Variants in TENM2 observed in about 807,000 individuals in gnomAD.
The protein encoded by TENM2 is teneurin-2.
A neutral mutation model predicts 245.2 loss-of-function variants in TENM2; 52 were observed. The ratio of observed to expected loss-of-function variants is 0.21; its 90% confidence interval spans 0.17 to 0.27. The LOEUF (loss-of-function observed/expected upper bound fraction) is 0.27, where lower values mean the gene tolerates loss of function less well. Ranked by LOEUF, TENM2 falls within the 10% of genes least tolerant of loss-of-function variation. TENM2 has a pLI of 1.00. For synonymous variants in TENM2, 1,363 were observed against 1,438.9 expected (o/e 0.95, Z 1.19); for missense variants, 3,046 against 3,666.8 (o/e 0.83, Z 4.37).
At chr5:167,388,303 G>A (rs367732926) in intron 2 of TENM2, among the ~76,000 whole-genome samples, 12 of 152,106 alleles carry the variant, frequency 7.9e-5, no homozygotes, top group African/African-American at 2.6e-4. Context: ...TATGCATAGC[G>A]TTCATAGTAG....
At chr5:167,125,891 A>C in the TENM2 span, among the ~76,000 whole-genome samples, 1 of 152,218 alleles carries the variant, frequency 6.6e-6, no homozygotes, top group African/African-American at 2.4e-5. Context: ...CAGGTCACAC[A>C]GCTGGTTAGT....
intron 2 of TENM2, among the ~76,000 whole-genome samples, chr5:167,501,953 T>G (rs556218965): frequency 1.1e-4 from 16 of 152,272 alleles, no homozygotes; most frequent in Non-Finnish European, 2.4e-4. Flanking sequence ...GAAACTATTT[T>G]TCTAAATTTA....
At chr5:167,036,493 A>C in the TENM2 span, among the ~76,000 whole-genome samples, 2 of 152,368 alleles carry the variant, frequency 1.3e-5, no homozygotes, top group African/African-American at 4.8e-5. Context: ...TACAACAATT[A>C]TCACATTAAA....
chr5:167,919,857 C>T (rs1196966574), intron 3 of TENM2, among the ~76,000 whole-genome samples: 1 of 152,204 alleles, frequency 6.6e-6, no homozygotes, highest in East Asian at 1.9e-4. Context: ...TTATGACTAT[C>T]ACGACATCCA....
intron 6 of TENM2, among the ~76,000 whole-genome samples, chr5:168,057,526 G>C (rs184438142): frequency 6.6e-5 from 10 of 152,238 alleles, no homozygotes; most frequent in African/African-American, 2.4e-4. Flanking sequence ...TAACAAGGAT[G>C]GAAATTCAAC....
In TENM2 at chr5:167,735,846, C is replaced by A. The variant is rs1424639840; in HGVS notation, c.503-140140C>A. Among the ~76,000 whole-genome samples the A allele has an allele frequency of 2.6e-5, 4 of 152,022 alleles. No homozygotes were observed. The East Asian group carries it at 5.8e-4, about 22-fold the overall frequency. ...AGAAAAAAGAAAAGAAAAGAAAGTT[C>A]TATGACCGGTTCATACCAATCCAGC... On this transcript the variant is annotated intron_variant, in intron 2 of 28. Transcript: ENST00000518659.
the TENM2 span, among the ~76,000 whole-genome samples, chr5:167,102,683 T>C: frequency 6.6e-6 from 1 of 152,190 alleles, no homozygotes; most frequent in East Asian, 1.9e-4. Flanking sequence ...TTTTGAGACA[T>C]AGCCTCGCTC....
chr5:167,336,100 T>C (rs1281062961), intron 1 of TENM2, among the ~76,000 whole-genome samples: 1 of 151,770 alleles, frequency 6.6e-6, no homozygotes, highest in African/African-American at 2.4e-5. Flanking sequence ...TGTCTCATGC[T>C]AGAACACATA....
At chr5:168,180,929 G>T (rs1759820520) in intron 13 of TENM2, among the ~76,000 whole-genome samples, 2 of 151,694 alleles carry the variant, frequency 1.3e-5, no homozygotes, top group Non-Finnish European at 2.9e-5. Context: ...AAAAATGCAG[G>T]TTCCCAATAT....
At chr5:167,830,716 G>C (rs1477059046) in intron 2 of TENM2, among the ~76,000 whole-genome samples, 1 of 152,194 alleles carries the variant, frequency 6.6e-6, no homozygotes, top group East Asian at 1.9e-4. Context: ...AGAAAACTAT[G>C]ATCTCTAGAA....
intron 4 of TENM2, among the ~76,000 whole-genome samples, chr5:167,985,009 A>G (rs1783130459): frequency 6.6e-6 from 1 of 152,188 alleles, no homozygotes; most frequent in South Asian, 2.1e-4. Flanking sequence ...TAAATGTTTC[A>G]TTATAACTCC....
chr5:167,652,229 G>A (rs984126523), intron 2 of TENM2, among the ~76,000 whole-genome samples: 3 of 152,044 alleles, frequency 2.0e-5, no homozygotes, highest in Non-Finnish European at 4.4e-5. Flanking sequence ...CTTTCTCTAT[G>A]GCATCCAAAG....
intron 25 of TENM2, among the ~76,000 whole-genome samples, chr5:168,229,227 A>ATGATAATTACCTGTC (rs1764595030): frequency 2.0e-5 from 3 of 152,174 alleles, no homozygotes; most frequent in African/African-American, 2.4e-5. Context: ...GTCCAAGGAC[A>ATGATAATTACCTGTC]CAATAGCTAG....
chr5:167,581,315 G>C (rs1775079157), intron 2 of TENM2, among the ~76,000 whole-genome samples: 1 of 152,142 alleles, frequency 6.6e-6, no homozygotes, highest in Admixed American at 6.5e-5. Flanking sequence ...TGCCTCAGTG[G>C]TACTTTAAAA....
rs60261258 is a variant in TENM2 at position 167,867,337 on chromosome 5, T to C, written c.503-8649T>C. On this transcript the variant is annotated intron_variant, in intron 2 of 28. Transcript: ENST00000518659. ...GAAGTGCAATGCTGCCAGGGAGATG[T>C]GATATATAAATATGCATGTTGTTGG... Among the ~76,000 whole-genome samples, 1,374 of 152,288 alleles carry C rather than the reference T, an allele frequency of 9.0e-3. 17 individuals are homozygous for C. Among genetic ancestry groups the C allele is most frequent in the African/African-American group, 0.031 (1,287 of 41,548 alleles).
intron 2 of TENM2, among the ~76,000 whole-genome samples, chr5:167,817,796 G>A (rs1767182754): frequency 6.6e-6 from 1 of 152,190 alleles, no homozygotes; most frequent in African/African-American, 2.4e-5. Flanking sequence ...AGCCTTGTGG[G>A]GGAATGGTGG....
intron 2 of TENM2, among the ~76,000 whole-genome samples, chr5:167,473,467 G>A (rs1479008604): frequency 1.3e-5 from 2 of 152,120 alleles, no homozygotes; most frequent in Non-Finnish European, 2.9e-5. Flanking sequence ...ACGAAGGAAA[G>A]TTCATTCTCA....
chr5:167,981,708 C>T (rs1782847516), intron 4 of TENM2, among the ~76,000 whole-genome samples: 3 of 152,312 alleles, frequency 2.0e-5, no homozygotes, highest in Admixed American at 1.3e-4. Context: ...CTTGGCCAGG[C>T]ATGGTGGCTC....
intron 2 of TENM2, among the ~76,000 whole-genome samples, chr5:167,411,584 G>GTA (rs1214849500): frequency 6.7e-6 from 1 of 149,842 alleles, no homozygotes; most frequent in African/African-American, 2.5e-5. Context: ...GTGTGTGTGT[G>GTA]TGTGTGTGTG....
Sources: gnomAD v4.1 joint callset for allele counts (sites outside exome capture counted in the v4.1 genomes callset) on GRCh38, gnomAD v4.1.1 for gene constraint, MANE v1.5 for transcripts, NCBI Gene and HGNC (gene_info 2026-07-23, HGNC 2026-07-21) for gene names.